DMRTA1: variants seen among roughly 807,000 people sequenced by gnomAD.
DMRTA1 encodes DMRT like family A1.
DMRTA1 carries 34 observed loss-of-function variants against 35.2 expected under a neutral mutation model. The ratio of observed to expected loss-of-function variants is 0.97; its 90% CI spans 0.74 to 1.29. The LOEUF (loss-of-function observed/expected upper bound fraction) is 1.29, where lower values mean the gene tolerates loss of function less well. Among genes scored for constraint, DMRTA1 ranks in the 50% most tolerant of loss-of-function variants. DMRTA1 has a pLI of 0.00. For missense variants in DMRTA1, 824 were observed against 644.6 expected, an observed-to-expected ratio of 1.28 and a Z score of -3.01; for synonymous variants, 344 against 276.6, an observed-to-expected ratio of 1.24 and a Z score of -2.42.
Position 22,447,175 on chromosome 9 carries a change from T to C in DMRTA1, c.110T>C (p.Val37Ala). 6.2e-7 allele frequency: 1 copy of C among 1,601,586 alleles called. No individual in the cohort carries two copies. The highest frequency in any genetic ancestry group is 8.5e-7 in the Non-Finnish European group (1 of 1,175,520). Residue 37 changes from valine to alanine, a missense_variant, in exon 1 of 2, where the codon GTA (valine) becomes GCA (alanine). Coordinates refer to ENST00000325870, the MANE Select transcript of DMRTA1 (RefSeq NM_022160.3). The stretch of plus-strand genomic sequence containing the variant: ...CCGCCCCCGTCCCCGGCGTTGCCGG[T>C]ACCATCGGGGATGCAGGTTCCCCCA... The part of the protein sequence containing the change: ...APPPPSPALP[V>A]PSGMQVPPAF...
chr9:22,450,921 C>T (rs1469013799), intron 1 of DMRTA1, 143 bp from the exon 2 acceptor site: 1 of 828,964 alleles, frequency 1.2e-6, no homozygotes, highest in Non-Finnish European at 1.8e-6. Flanking sequence ...TTGAGTTATT[C>T]ATTAAAATGT....
At position 22,447,842 on chromosome 9, in the gene DMRTA1, A is replaced by T; in HGVS notation, c.667+110A>T. On this transcript the variant is annotated intron_variant, in intron 1 of 1. Coordinates refer to ENST00000325870, the MANE Select transcript of DMRTA1 (RefSeq NM_022160.3). ...GGGCAGGAATAGTTGTTTAAAAGAAACACTTTAAGTTTTGGGGAACTGCTC... is the reference window on the plus strand; with the variant it reads ...GGGCAGGAATAGTTGTTTAAAAGAATCACTTTAAGTTTTGGGGAACTGCTC... 2.2e-6 allele frequency: 3 copies of T among 1,333,582 alleles called. 1 individual carries two copies. In the South Asian group the frequency reaches 4.1e-5, roughly 18 times the overall value. The allele number at this position is 1,333,582 out of a possible 1,614,324, so 82.6% of individuals were successfully genotyped here.
chr9:22,447,712 A>G lies in DMRTA1; in HGVS notation c.647A>G (p.Asp216Gly). 6.2e-7 allele frequency: 1 copy of G among 1,613,446 alleles called. No individual in the cohort carries two copies. The highest frequency in any genetic ancestry group is 8.5e-7 in the Non-Finnish European group (1 of 1,179,996). ...CCCGCTTTCGAAGTTTTCCAGCAAG[A>G]TTATCCTGAGGAAAAACAAGGTGAG... ...ATPAFEVFQQ[D>G]YPEEKQEQKE... Residue 216 changes from aspartate to glycine, a missense_variant, in exon 1 of 2, where the codon GAT (aspartate) becomes GGT (glycine). Transcript: ENST00000325870.
chr9:22,455,513 C>T lies in DMRTA1; in HGVS notation c.*3602C>T, dbSNP rs903539850. Reference sequence around the variant, plus strand: ...CTTTGTATTAAGATATTATCTTTGCCCCCTCGTGGCAGTCTCTCAACAAAG... The same window carrying T: ...CTTTGTATTAAGATATTATCTTTGCTCCCTCGTGGCAGTCTCTCAACAAAG... On this transcript the variant is annotated 3_prime_UTR_variant, in exon 2 of 2. Coordinates refer to ENST00000325870, the MANE Select transcript of DMRTA1 (RefSeq NM_022160.3). 6.6e-6 allele frequency: 1 copy of T among 152,070 alleles called. No individual in the cohort carries two copies. Among genetic ancestry groups the T allele is most frequent in the African/African-American group, 2.4e-5 (1 of 41,390 alleles). 9.4% of individuals were successfully genotyped at this position (152,070 alleles called of 1,614,324 possible). A position where few individuals can be genotyped will look rare whatever the true frequency, so the allele number is the denominator to read the frequency against.
rs1818944757 is a variant in DMRTA1, at chr9:22,452,380, G to A, written c.*469G>A. 2 of 152,304 alleles carry A rather than the reference G, an allele frequency of 1.3e-5. No homozygotes were observed. The highest frequency in any genetic ancestry group is 2.9e-5 in the Non-Finnish European group (2 of 68,172). The allele number at this position is 152,304 out of a possible 1,614,324, so 9.4% of individuals were successfully genotyped here. A position where few individuals can be genotyped will look rare whatever the true frequency, so the allele number is the denominator to read the frequency against. ...TTCAAAACTGTTTCTTCTATTCCTGGTTCATAGGAAAGAAAAAAGTTATTC... is the reference window on the plus strand; with the variant it reads ...TTCAAAACTGTTTCTTCTATTCCTGATTCATAGGAAAGAAAAAAGTTATTC... On this transcript the variant is annotated 3_prime_UTR_variant, in exon 2 of 2. Coordinates refer to ENST00000325870, the MANE Select transcript of DMRTA1 (RefSeq NM_022160.3).
Position 22,453,477 on chromosome 9 carries a change from T to G in DMRTA1, c.*1566T>G, listed in dbSNP as rs1322429449. 6.6e-6 allele frequency: 1 copy of G among 152,120 alleles called. No individual in the cohort carries two copies. The highest frequency in any genetic ancestry group is 1.5e-5 in the Non-Finnish European group (1 of 67,944). 9.4% of individuals were successfully genotyped at this position (152,120 alleles called of 1,614,324 possible). ...GGATGTAAATGTGTTTATTAGGTTA[T>G]GCATTAATTTTAATGGTGTGAATAT... is the stretch of plus-strand genomic sequence containing the variant. On this transcript the variant is annotated 3_prime_UTR_variant, in exon 2 of 2. Coordinates refer to ENST00000325870, the MANE Select transcript of DMRTA1 (RefSeq NM_022160.3).
Position 22,447,379 on chromosome 9 carries a change from T to C in DMRTA1, c.314T>C (p.Val105Ala). ...TGCGCCCGCTGTCGTAACCATGGTG[T>C]GGTGTCAGCGCTCAAGGGCCACAAG... The part of the protein sequence containing the change: ...PKCARCRNHG[V>A]VSALKGHKRF... The change falls in exon 1 of 2, where the codon GTG becomes GCG. Residue 105 changes from valine to alanine, a missense_variant. Physicochemically the swap from Val to Ala is moderately conservative, Grantham distance 64. Transcript: ENST00000325870. 6.4e-7 allele frequency: 1 copy of C among 1,551,060 alleles called. No homozygotes were observed. The highest frequency in any genetic ancestry group is 8.7e-7 in the Non-Finnish European group (1 of 1,151,236).
At chr9:22,449,314 T>A (rs560409835) in intron 1 of DMRTA1, among the ~76,000 whole-genome samples, 4 of 152,340 alleles carry the variant, frequency 2.6e-5, no homozygotes, top group African/African-American at 9.6e-5. Flanking sequence ...GAAGGCAGAC[T>A]ATATGTATCC....
rs1169373005 is a variant in DMRTA1, at chr9:22,454,549, T to A, written c.*2638T>A. ...ACAAAAACAACCAATCAACCAATGT[T>A]GGTATTATTTGACAGTGTTGGTACA... On this transcript the variant is annotated 3_prime_UTR_variant, in exon 2 of 2. Transcript: ENST00000325870. 1 of 152,166 alleles carries A rather than the reference T, an allele frequency of 6.6e-6. No individual in the cohort carries two copies. The highest frequency in any genetic ancestry group is 2.1e-4 in the South Asian group (1 of 4,836). 9.4% of individuals were successfully genotyped at this position (152,166 alleles called of 1,614,324 possible).
chr9:22,451,078 A>C lies in DMRTA1; in HGVS notation c.682A>C (p.Lys228Gln). ...PEEKQEQKES[K>Q]CESCQNGQEE... is the part of the protein sequence containing the mutation. ...CTCTTCTCCAGAACAAAAAGAGAGT[A>C]AATGTGAGTCATGCCAGAATGGACA... The change falls in exon 2 of 2, where the codon AAA becomes CAA. Residue 228 changes from lysine (K) to glutamine (Q), a missense_variant. By Grantham distance (53) the Lys-to-Gln change is moderately conservative. Transcript: ENST00000325870. The C allele has an allele frequency of 1.9e-6, 3 of 1,612,250 alleles. No individual in the cohort carries two copies. The highest frequency in any genetic ancestry group is 2.5e-6 in the Non-Finnish European group (3 of 1,179,404).
In DMRTA1 at chr9:22,452,744, T is replaced by G. The variant is rs1425949519; in HGVS notation, c.*833T>G. 2 of 152,132 alleles carry G rather than the reference T, an allele frequency of 1.3e-5. No homozygotes were observed. Among genetic ancestry groups the G allele is most frequent in the Non-Finnish European group, 2.9e-5 (2 of 67,972 alleles). 9.4% of individuals were successfully genotyped at this position (152,132 alleles called of 1,614,324 possible). On this transcript the variant is annotated 3_prime_UTR_variant, in exon 2 of 2. Coordinates refer to ENST00000325870, the MANE Select transcript of DMRTA1 (RefSeq NM_022160.3). The stretch of plus-strand genomic sequence containing the variant: ...ACATTAAAATTTCCATACTGTAAAG[T>G]GCACATCTACTGTGGATGAGAGTTG...
chr9:22,447,053 A>T lies in DMRTA1; in HGVS notation c.-13A>T. ...CTTTCCACTTGGGACTCCCGGCCAG[A>T]AATTTCTCGGGAATGGAGCGGTCAC... On this transcript the variant is annotated 5_prime_UTR_variant, in exon 1 of 2. Coordinates refer to ENST00000325870, the MANE Select transcript of DMRTA1 (RefSeq NM_022160.3). 6.2e-7 allele frequency: 1 copy of T among 1,605,142 alleles called. No individual in the cohort carries two copies. Among genetic ancestry groups the T allele is most frequent in the Non-Finnish European group, 8.5e-7 (1 of 1,176,570 alleles).
rs1465774196 is a variant in DMRTA1, at chr9:22,455,124, G to A, written c.*3213G>A. On this transcript the variant is annotated 3_prime_UTR_variant, in exon 2 of 2. Transcript: ENST00000325870. Reference sequence around the variant, plus strand: ...TAGGCAGAAAAGAAAGACATAGAACGCAGTGCGTGACTTACAAGGGAATAA... The same window carrying A: ...TAGGCAGAAAAGAAAGACATAGAACACAGTGCGTGACTTACAAGGGAATAA... 3 of 152,178 alleles carry A rather than the reference G, an allele frequency of 2.0e-5. No homozygotes were observed. Among genetic ancestry groups the A allele is most frequent in the African/African-American group, 4.8e-5 (2 of 41,436 alleles). The allele number at this position is 152,178 out of a possible 1,614,324, so 9.4% of individuals were successfully genotyped here.
rs759047301 is a variant in DMRTA1, at chr9:22,447,475, C to A, written c.410C>A (p.Ala137Asp). The A allele has an allele frequency of 6.4e-6, 10 of 1,556,422 alleles. No homozygotes were observed. Among genetic ancestry groups the A allele is most frequent in the African/African-American group, 1.4e-5 (1 of 73,006 alleles). The change falls in exon 1 of 2, where the codon GCC becomes GAC. Residue 137 changes from alanine (A) to aspartate (D), a missense_variant. By Grantham distance (126) the Ala-to-Asp change is moderately radical (BLOSUM62 -2). Coordinates refer to ENST00000325870, the MANE Select transcript of DMRTA1 (RefSeq NM_022160.3). ...TLIAERQRVMAAQVALRRQQA... is the reference protein window; with the variant it reads ...TLIAERQRVMDAQVALRRQQA... ...ATCGCCGAGCGCCAGCGCGTCATGG[C>A]CGCCCAGGTGGCGCTGCGCAGGCAG...
At chr9:22,450,339 T>C (rs1460944295) in intron 1 of DMRTA1, among the ~76,000 whole-genome samples, 1 of 150,014 alleles carries the variant, frequency 6.7e-6, no homozygotes, top group Non-Finnish European at 1.5e-5. Flanking sequence ...GTTATTGATA[T>C]TTCTTAAGGA....
Position 22,447,465 on chromosome 9 carries a change from C to A in DMRTA1, c.400C>A (p.Arg134Ser). Reference protein sequence around the residue: ...AKCTLIAERQRVMAAQVALRR... With the variant: ...AKCTLIAERQSVMAAQVALRR... ...GTGCACCCTGATCGCCGAGCGCCAGCGCGTCATGGCCGCCCAGGTGGCGCT... is the reference window on the plus strand; with the variant it reads ...GTGCACCCTGATCGCCGAGCGCCAGAGCGTCATGGCCGCCCAGGTGGCGCT... Residue 134 changes from arginine to serine, a missense_variant, in exon 1 of 2, where the codon CGC becomes AGC. Arg to Ser is a moderately radical substitution (Grantham distance 110). Coordinates refer to ENST00000325870, the MANE Select transcript of DMRTA1 (RefSeq NM_022160.3). 4 of 1,554,426 alleles carry A rather than the reference C, an allele frequency of 2.6e-6. No individual in the cohort carries two copies. The highest frequency in any genetic ancestry group is 3.5e-6 in the Non-Finnish European group (4 of 1,151,080).
chr9:22,447,823 G>C, intron 1 of DMRTA1, 91 bp downstream of exon 1: 1 of 1,485,582 alleles, frequency 6.7e-7, no homozygotes, highest in Non-Finnish European at 9.2e-7. Flanking sequence ...AGGCGGGCAG[G>C]AATAGTTGTT....
chr9:22,447,224 C>T lies in DMRTA1; in HGVS notation c.159C>T (p.Leu53=), dbSNP rs1163243962. ...VPPAFLRPPS[L]FLRAAAAAAA... is the part of the protein sequence containing the mutation. ...CAGCGTTCCTGCGGCCGCCCAGCCT[C>T]TTTCTGCGAGCAGCGGCCGCGGCCG... The change falls in exon 1 of 2, where the codon CTC becomes CTT. Residue 53 remains leucine (L), a synonymous_variant. Transcript: ENST00000325870. The T allele has an allele frequency of 1.3e-6, 2 of 1,555,038 alleles. No homozygotes were observed. The highest frequency in any genetic ancestry group is 1.7e-6 in the Non-Finnish European group (2 of 1,157,576).
At position 22,447,436 on chromosome 9, in the gene DMRTA1, C is replaced by T. The variant is rs770303277; in HGVS notation, c.371C>T (p.Ala124Val). The T allele has an allele frequency of 8.4e-6, 13 of 1,552,336 alleles. No individual in the cohort carries two copies. The highest frequency in any genetic ancestry group is 1.0e-5 in the Non-Finnish European group (12 of 1,149,904). Residue 124 changes from alanine to valine, a missense_variant, in exon 1 of 2, where the codon GCC becomes GTC. Ala to Val is a moderately conservative substitution (Grantham distance 64, BLOSUM62 0). Transcript: ENST00000325870. ...RFCRWRDCAC[A>V]KCTLIAERQR... is the part of the protein sequence containing the mutation. The stretch of plus-strand genomic sequence containing the variant: ...TGCCGCTGGCGGGACTGCGCGTGTG[C>T]CAAGTGCACCCTGATCGCCGAGCGC...
Sources: allele counts gnomAD v4.1 joint callset (sites outside exome capture counted in the v4.1 genomes callset), GRCh38; gene constraint gnomAD v4.1.1; transcripts MANE v1.5; gene names NCBI Gene and HGNC (gene_info 2026-07-23, HGNC 2026-07-21).